The following XRCC4 variants were observed in gnomAD, a reference collection of about 807,000 sequenced individuals.
The protein encoded by XRCC4 is X-ray repair cross complementing 4.
XRCC4 carries 28 observed loss-of-function variants against 39.1 expected under a neutral mutation model. That is an observed-to-expected ratio of 0.72 (90% CI 0.53 to 0.98). XRCC4 has a LOEUF of 0.98. Among genes scored for constraint, XRCC4 ranks in the 50% least tolerant of loss-of-function variants. XRCC4 has a pLI of 0.00. For synonymous variants in XRCC4, 123 were observed against 126.4 expected (o/e 0.97, Z 0.18); for missense variants, 350 against 376.4 (o/e 0.93, Z 0.58).
At chr5:83,165,701 C>T (rs1749434507) in intron 3 of XRCC4, among the ~76,000 whole-genome samples, 1 of 152,056 alleles carries the variant, frequency 6.6e-6, no homozygotes, top group African/African-American at 2.4e-5. Flanking sequence ...GTGTTCTTAT[C>T]ATTTAGCTTC....
chr5:83,155,861 C>T (rs897526849), intron 3 of XRCC4, among the ~76,000 whole-genome samples: 3 of 151,932 alleles, frequency 2.0e-5, no homozygotes, highest in Non-Finnish European at 4.4e-5. Flanking sequence ...TTTGTCTAAA[C>T]CTATCGTTAT....
At chr5:83,356,588 T>C (rs1757192496), downstream of XRCC4, 3 of 305,120 alleles carry the variant, frequency 9.8e-6, no homozygotes, top group Admixed American at 1.2e-4. Flanking sequence ...TTCCTATTTA[T>C]ATCTCATGTG....
At chr5:83,225,858 G>C (rs1752267526) in intron 6 of XRCC4, among the ~76,000 whole-genome samples, 1 of 151,532 alleles carries the variant, frequency 6.6e-6, no homozygotes, top group African/African-American at 2.4e-5. Flanking sequence ...GTGGGTCTAG[G>C]CCCTGGAAAT....
intron 3 of XRCC4, among the ~76,000 whole-genome samples, chr5:83,163,801 G>A (rs1177431066): frequency 7.2e-5 from 11 of 152,136 alleles, no homozygotes; most frequent in Non-Finnish European, 4.4e-5. Flanking sequence ...TTGTGTCTTT[G>A]TGGAGAAATG....
intron 3 of XRCC4, among the ~76,000 whole-genome samples, chr5:83,194,568 T>G (rs571225987): frequency 6.6e-6 from 1 of 152,198 alleles, no homozygotes; most frequent in Non-Finnish European, 1.5e-5. Context: ...TATAGAAATA[T>G]TCTTTTAAAA....
chr5:83,320,723 CA>C (rs1669999227), intron 7 of XRCC4, among the ~76,000 whole-genome samples: 1 of 149,992 alleles, frequency 6.7e-6, no homozygotes, highest in Admixed American at 6.6e-5. Flanking sequence ...CCTGCACCAG[CA>C]AAAAAGGTTA....
intron 7 of XRCC4, among the ~76,000 whole-genome samples, chr5:83,330,623 A>G (rs1756407902): frequency 1.3e-5 from 2 of 152,008 alleles, no homozygotes; most frequent in South Asian, 2.1e-4. Flanking sequence ...CAGATTGGAT[A>G]TAACTACATT....
the XRCC4 span, among the ~76,000 whole-genome samples, chr5:83,370,383 T>G: frequency 4.6e-5 from 7 of 152,266 alleles, no homozygotes; most frequent in Admixed American, 4.6e-4. Context: ...ATGTCAGTCC[T>G]CCTCTCCACA....
At chr5:83,355,637 GTGTTT>G (rs113419292), downstream of XRCC4, among the ~76,000 whole-genome samples, 1 of 152,092 alleles carries the variant, frequency 6.6e-6, no homozygotes. Context: ...ATGCACATAG[GTGTTT>G]TGTTTTGTTT....
At chr5:83,145,822 C>CA (rs1748426331) in intron 3 of XRCC4, among the ~76,000 whole-genome samples, 1 of 150,592 alleles carries the variant, frequency 6.6e-6, no homozygotes, top group Non-Finnish European at 1.5e-5. Flanking sequence ...TCCCCAGAAT[C>CA]AATCTGCTTT....
chr5:83,344,205 G>A (rs1756849923), intron 7 of XRCC4, among the ~76,000 whole-genome samples: 1 of 151,144 alleles, frequency 6.6e-6, no homozygotes, highest in South Asian at 2.1e-4. Context: ...GCATGGTTTT[G>A]AAATTTAAAT....
At chr5:83,171,929 C>T (rs912427977) in intron 3 of XRCC4, among the ~76,000 whole-genome samples, 5 of 152,078 alleles carry the variant, frequency 3.3e-5, no homozygotes, top group South Asian at 2.1e-4. Flanking sequence ...CTTTCACTGA[C>T]GTATTGATTT....
At chr5:83,191,563 G>T (rs1186667402) in intron 3 of XRCC4, among the ~76,000 whole-genome samples, 2 of 152,064 alleles carry the variant, frequency 1.3e-5, no homozygotes, top group African/African-American at 4.8e-5. Flanking sequence ...ATTAGGGCAT[G>T]GTGGCCCACC....
intron 1 of XRCC4, among the ~76,000 whole-genome samples, chr5:83,103,555 T>G (rs1283340022): frequency 6.6e-6 from 1 of 152,142 alleles, no homozygotes; most frequent in Admixed American, 6.6e-5. Flanking sequence ...ATCCAACAAT[T>G]TTACTCTTAG....
Position 83,101,044 on chromosome 5 carries a change from T to A in XRCC4, c.-10-3866T>A, listed in dbSNP as rs531129709. On this transcript the variant is annotated intron_variant, in intron 1 of 7. Transcript: ENST00000396027. ...CGTATCAAACCTACAAACTTAAATA[T>A]ATTTAAAAATTTTACATGCCTAATT... Among the ~76,000 whole-genome samples the A allele has an allele frequency of 8.5e-4, 130 of 152,206 alleles. No homozygotes were observed. In the Middle Eastern group the frequency reaches 0.01, roughly 12 times the overall value.
chr5:83,339,747 C>T (rs1225245395), intron 7 of XRCC4, among the ~76,000 whole-genome samples: 1 of 152,128 alleles, frequency 6.6e-6, no homozygotes, highest in Non-Finnish European at 1.5e-5. Context: ...TGGCCCTGTG[C>T]GATTGACAGC....
At chr5:83,157,690 A>T (rs919162860) in intron 3 of XRCC4, among the ~76,000 whole-genome samples, 24 of 152,076 alleles carry the variant, frequency 1.6e-4, no homozygotes, top group African/African-American at 5.8e-4. Flanking sequence ...AGTTTTAAAA[A>T]TATAGAATGG....
At chr5:83,194,865 G>A (rs1750871355) in intron 3 of XRCC4, among the ~76,000 whole-genome samples, 1 of 152,044 alleles carries the variant, frequency 6.6e-6, no homozygotes, top group Admixed American at 6.6e-5. Flanking sequence ...TAACTACTCT[G>A]AACCTGAGTT....
chr5:83,163,900 C>A (rs1401280826), intron 3 of XRCC4, among the ~76,000 whole-genome samples: 1 of 152,126 alleles, frequency 6.6e-6, no homozygotes, highest in Non-Finnish European at 1.5e-5. Context: ...CCCTTGAGAG[C>A]AGTGTGGCTT....
Sources: gnomAD v4.1 joint callset for allele counts (sites outside exome capture counted in the v4.1 genomes callset) on GRCh38, gnomAD v4.1.1 for gene constraint, MANE v1.5 for transcripts, NCBI Gene and HGNC (gene_info 2026-07-23, HGNC 2026-07-21) for gene names.